Variants in RGPD2 observed in about 807,000 individuals in gnomAD.
The protein encoded by RGPD2 is RANBP2 like and GRIP domain containing 2.
In RGPD2, 2 loss-of-function variants were observed where a neutral mutation model predicts 36.0. That is an observed-to-expected ratio of 0.06 (90% CI 0.02 to 0.17). The LOEUF (loss-of-function observed/expected upper bound fraction) is 0.17, where lower values mean the gene tolerates loss of function less well. Ranked by LOEUF, RGPD2 falls within the 10% of genes least tolerant of loss-of-function variation. The probability of loss-of-function intolerance (pLI) is 1.00; values close to 1 mark genes in which losing one functional copy is unlikely to be tolerated. For missense variants in RGPD2, 40 were observed against 464.3 expected, an observed-to-expected ratio of 0.09 and a Z score of 8.40; for synonymous variants, 19 against 163.8, an observed-to-expected ratio of 0.12 and a Z score of 6.75.
chr2:87,836,933 C>G, the RGPD2 span, among the ~76,000 whole-genome samples: 2 of 151,976 alleles, frequency 1.3e-5, no homozygotes, highest in Non-Finnish European at 2.9e-5. Flanking sequence ...GGCTGCTATT[C>G]TTATTTCAGA....
the RGPD2 span, among the ~76,000 whole-genome samples, chr2:87,960,204 T>C: frequency 6.6e-6 from 1 of 151,966 alleles, no homozygotes; most frequent in East Asian, 1.9e-4. Flanking sequence ...GATTCAGTCT[T>C]CCTCACCAGC....
At chr2:87,948,108 G>GT in the RGPD2 span, among the ~76,000 whole-genome samples, 8 of 152,396 alleles carry the variant, frequency 5.2e-5, no homozygotes, top group East Asian at 9.6e-4. Context: ...AGTAATTGTG[G>GT]TTTTTTCCTG....
the RGPD2 span, among the ~76,000 whole-genome samples, chr2:87,861,429 G>A: frequency 6.6e-6 from 1 of 151,798 alleles, no homozygotes; most frequent in African/African-American, 2.4e-5. Flanking sequence ...GTTAATGTTT[G>A]GAACATTTAC....
chr2:87,962,636 T>G, the RGPD2 span, among the ~76,000 whole-genome samples: 1 of 150,272 alleles, frequency 6.7e-6, no homozygotes, highest in Non-Finnish European at 1.5e-5. Flanking sequence ...GATAGCCTAG[T>G]AGGAAGATGA....
chr2:87,822,321 A>G (rs1414485232), intron 1 of RGPD2, among the ~76,000 whole-genome samples: 1 of 152,076 alleles, frequency 6.6e-6, no homozygotes, highest in East Asian at 1.9e-4. Context: ...TGGTCAAAGA[A>G]ATAATACAAG....
chr2:87,853,783 C>G, the RGPD2 span, among the ~76,000 whole-genome samples: 1 of 151,736 alleles, frequency 6.6e-6, no homozygotes, highest in Non-Finnish European at 1.5e-5. Context: ...CAATTTAATC[C>G]TTATGCTCTT....
At chr2:87,875,699 T>C in the RGPD2 span, among the ~76,000 whole-genome samples, 3 of 152,266 alleles carry the variant, frequency 2.0e-5, no homozygotes, top group African/African-American at 7.2e-5. Context: ...TTTGTATCTC[T>C]GCCAGGTTTT....
At chr2:87,966,497 TTAACA>T in the RGPD2 span, among the ~76,000 whole-genome samples, 1 of 150,322 alleles carries the variant, frequency 6.7e-6, no homozygotes. Flanking sequence ...GTCCCTGAGC[TTAACA>T]TTCATATCCT....
the RGPD2 span, among the ~76,000 whole-genome samples, chr2:87,944,713 G>A: frequency 1.7e-5 from 2 of 114,960 alleles, no homozygotes; most frequent in East Asian, 2.4e-4. Flanking sequence ...CTCACTACAT[G>A]TCTTATTTTA....
At chr2:87,954,472 A>AT in the RGPD2 span, among the ~76,000 whole-genome samples, 2 of 15,226 alleles carry the variant, frequency 1.3e-4, 1 homozygote. Flanking sequence ...CAAGCCGACT[A>AT]TTTTTTTGTG....
the RGPD2 span, among the ~76,000 whole-genome samples, chr2:87,870,378 A>G: frequency 6.6e-6 from 1 of 152,374 alleles, no homozygotes; most frequent in African/African-American, 2.4e-5. Context: ...ACCTTGCCCT[A>G]AATCACCTAG....
chr2:87,761,148 T>A (rs2104228467), intron 22 of RGPD2, among the ~76,000 whole-genome samples: 1 of 49,194 alleles, frequency 2.0e-5, no homozygotes, highest in Admixed American at 2.4e-4. Flanking sequence ...TCTGTTATGG[T>A]GTTTTTTATT....
chr2:87,957,244 G>GGA, the RGPD2 span, among the ~76,000 whole-genome samples: 1 of 139,160 alleles, frequency 7.2e-6, no homozygotes, highest in Non-Finnish European at 1.6e-5. Flanking sequence ...ACTGGGGGGG[G>GGA]GCTCTCATTA....
the RGPD2 span, among the ~76,000 whole-genome samples, chr2:87,876,510 C>G: frequency 6.6e-6 from 1 of 152,232 alleles, no homozygotes; most frequent in Admixed American, 6.5e-5. Context: ...AGGAGCGGAT[C>G]GCTCAATTTC....
At chr2:87,820,133 A>AG (rs1440005579) in intron 1 of RGPD2, among the ~76,000 whole-genome samples, 1 of 51,966 alleles carries the variant, frequency 1.9e-5, no homozygotes, top group East Asian at 5.3e-4. Context: ...ATCTCAAAAA[A>AG]AAAAAAAAAA....
At chr2:87,970,150 A>G in the RGPD2 span, among the ~76,000 whole-genome samples, 13 of 151,694 alleles carry the variant, frequency 8.6e-5, no homozygotes, top group Non-Finnish European at 1.5e-4. Context: ...ATCTTCTATG[A>G]GAAAATCTTA....
chr2:87,813,045 G>A (rs2943875), intron 4 of RGPD2, among the ~76,000 whole-genome samples: 7 of 151,624 alleles, frequency 4.6e-5, no homozygotes, highest in African/African-American at 1.2e-4. Flanking sequence ...GAGGGCCTAC[G>A]TACCCTTACT....
the RGPD2 span, among the ~76,000 whole-genome samples, chr2:87,988,541 A>ATATATTTTTTTTTTTTTT: frequency 1.8e-5 from 1 of 54,142 alleles, no homozygotes; most frequent in African/African-American, 4.4e-5. Context: ...ATATATATAT[A>ATATATTTTTTTTTTTTTT]TTTTTTTTTT....
At chr2:87,855,128 A>G in the RGPD2 span, among the ~76,000 whole-genome samples, 1 of 151,972 alleles carries the variant, frequency 6.6e-6, no homozygotes, top group South Asian at 2.1e-4. Context: ...TTACATCCTC[A>G]GAACTTCTTC....
Sources: gnomAD v4.1 joint callset for allele counts (sites outside exome capture counted in the v4.1 genomes callset) on GRCh38, gnomAD v4.1.1 for gene constraint, MANE v1.5 for transcripts, NCBI Gene and HGNC (gene_info 2026-07-23, HGNC 2026-07-21) for gene names.